Variants in DBP observed in about 807,000 individuals in gnomAD.
DBP encodes D site-binding protein.
DBP carries 12 observed loss-of-function variants against 21.4 expected under a neutral mutation model. The ratio of observed to expected loss-of-function variants is 0.56; its 90% CI spans 0.36 to 0.91. DBP has a LOEUF of 0.91. Among genes scored for constraint, DBP ranks in the 40% least tolerant of loss-of-function variants. The pLI, the probability that DBP is intolerant of heterozygous loss-of-function variation, is 0.01. For synonymous variants in DBP, 213 were observed against 224.9 expected, an observed-to-expected ratio of 0.95 and a Z score of 0.47; for missense variants, 423 against 473.4, an observed-to-expected ratio of 0.89 and a Z score of 0.99.
rs964628458 is a variant in DBP at position 48,630,163 on chromosome 19, T to C, written c.*674A>G. 2.4e-6 allele frequency: 3 copies of C among 1,239,238 alleles called. No homozygotes were observed. The highest frequency in any genetic ancestry group is 3.1e-5 in the African/African-American group (2 of 64,448). The allele number at this position is 1,239,238 out of a possible 1,614,324, so 76.8% of individuals were successfully genotyped here. On this transcript the variant is annotated 3_prime_UTR_variant, in exon 4 of 4. Coordinates refer to ENST00000222122, the MANE Select transcript of DBP (RefSeq NM_001352.5). The surrounding 1 kb of genome is among the most constrained non-coding windows in gnomAD (Gnocchi z 4.9). ...ACTGGCTGGGGTAGGCCTCAGTGAG[T>C]CGGCCGGTCAGGGCCCGCAGCCTCG... is the stretch of plus-strand genomic sequence containing the variant.
intron 2 of DBP, 141 bp downstream of exon 2, chr19:48,635,439 C>T: frequency 6.8e-7 from 1 of 1,477,800 alleles, no homozygotes; most frequent in Admixed American, 2.0e-5. Flanking sequence ...CTGGCCCCCT[C>T]CCACGACACC....
At chr19:48,635,366 G>A in intron 2 of DBP, 1 of 1,369,520 alleles carries the variant, frequency 7.3e-7, no homozygotes, top group Non-Finnish European at 9.5e-7. Context: ...CTGGAATTTA[G>A]GGTTCCAAGT....
In DBP at chr19:48,630,446, C is replaced by T; in HGVS notation, c.*391G>A. 5 of 1,451,476 alleles carry T rather than the reference C, an allele frequency of 3.4e-6. No individual in the cohort carries two copies. Among genetic ancestry groups the T allele is most frequent in the Non-Finnish European group, 4.5e-6 (5 of 1,106,556 alleles). The allele number at this position is 1,451,476 out of a possible 1,614,324, so 89.9% of individuals were successfully genotyped here. A position where few individuals can be genotyped will look rare whatever the true frequency, so the allele number is the denominator to read the frequency against. On this transcript the variant is annotated 3_prime_UTR_variant, in exon 4 of 4. Coordinates refer to ENST00000222122, the MANE Select transcript of DBP (RefSeq NM_001352.5). The surrounding 1 kb of genome is among the most constrained non-coding windows in gnomAD (Gnocchi z 4.9). ...CTCCATCCGACAGCCCGCGGGAGGA[C>T]TCAGACTCCAGCACTTCCAGCAGCG...
intron 3 of DBP, 141 bp from the exon 4 acceptor site, chr19:48,631,193 C>CTTT (rs2030571518): frequency 1.4e-6 from 1 of 701,256 alleles, no homozygotes; most frequent in Non-Finnish European, 2.3e-6. Context: ...TTTCTAGGGC[C>CTTT]CTGGTTGCTA....
rs768832685 is a variant in DBP, at chr19:48,635,993, G to A, written c.140-3C>T. On this transcript the variant is annotated splice_region_variant and splice_polypyrimidine_tract_variant and intron_variant, in intron 1 of 3. Coordinates refer to ENST00000222122, the MANE Select transcript of DBP (RefSeq NM_001352.5). ...GCGCTCCTTTTCCTTCAGGAGACCTGCGGGCCGGGAAAGACGGGTTGGGAT... is the reference window on the plus strand; with the variant it reads ...GCGCTCCTTTTCCTTCAGGAGACCTACGGGCCGGGAAAGACGGGTTGGGAT... 66 of 1,511,242 alleles carry A rather than the reference G, an allele frequency of 4.4e-5. No homozygotes were observed. The highest frequency in any genetic ancestry group is 1.9e-5 in the Non-Finnish European group (22 of 1,135,794). 93.6% of individuals were successfully genotyped at this position (1,511,242 alleles called of 1,614,324 possible).
In DBP at chr19:48,635,841, G is replaced by A. The variant is rs1310149443; in HGVS notation, c.289C>T (p.Pro97Ser). 1.4e-6 allele frequency: 2 copies of A among 1,407,830 alleles called. No homozygotes were observed. Among genetic ancestry groups the A allele is most frequent in the Admixed American group, 3.6e-5 (1 of 27,930 alleles). The allele number at this position is 1,407,830 out of a possible 1,614,324, so 87.2% of individuals were successfully genotyped here. ...CACAGCAGTGGCGCCAACAGACCCG[G>A]GGCGGGCACCGGCCCCGGGCGCCCC... ...PRGRPGPVPA[P>S]GLLAPLLWER... is the part of the protein sequence containing the mutation. Residue 97 changes from proline (P) to serine (S), a missense_variant, in exon 2 of 4, where the codon CCG becomes TCG. Pro to Ser is a moderately conservative substitution (Grantham distance 74). Transcript: ENST00000222122.
rs1381171331 is a variant in DBP, at chr19:48,636,876, T to C, written c.119A>G (p.Lys40Arg). 9 of 1,609,960 alleles carry C rather than the reference T, an allele frequency of 5.6e-6. No homozygotes were observed. The highest frequency in any genetic ancestry group is 6.8e-6 in the Non-Finnish European group (8 of 1,178,530). Residue 40 changes from lysine (K) to arginine (R), a missense_variant, in exon 1 of 4, where the codon AAG (lysine) becomes AGG (arginine). Physicochemically the swap from Lys to Arg is conservative, Grantham distance 26. Around this residue, in one of 4 missense-constraint regions of DBP, gnomAD observed 283 missense variants for 273.7 expected, o/e 1.03. Transcript: ENST00000222122. ...CTCACAGCTGGCCGGCTCTTTGGGC[T>C]TGCTGGTCCCCTGCAGAAGGCTCCG... is the stretch of plus-strand genomic sequence containing the variant. ...GLRSLLQGTS[K>R]PKEPASCLLK... is the part of the protein sequence containing the mutation.
Position 48,635,653 on chromosome 19 carries a change from C to T in DBP, c.477G>A (p.Ser159=). The change falls in exon 2 of 4, where the codon TCG becomes TCA. Residue 159 remains serine (S), a synonymous_variant. Coordinates refer to ENST00000222122, the MANE Select transcript of DBP (RefSeq NM_001352.5). ...APSPGPGSCG[S]ASPRSSPGHA... ...GCCCAGGAGAGGAGCGGGGGGAAGCCGAGCCGCACGAACCCGGCCCTGGGG... is the reference window on the plus strand; with the variant it reads ...GCCCAGGAGAGGAGCGGGGGGAAGCTGAGCCGCACGAACCCGGCCCTGGGG... 7.6e-7 allele frequency: 1 copy of T among 1,314,534 alleles called. No homozygotes were observed. The highest frequency in any genetic ancestry group is 9.6e-7 in the Non-Finnish European group (1 of 1,038,864). The allele number at this position is 1,314,534 out of a possible 1,614,324, so 81.4% of individuals were successfully genotyped here. A position where few individuals can be genotyped will look rare whatever the true frequency, so the allele number is the denominator to read the frequency against.
intron 2 of DBP, chr19:48,634,736 T>C: frequency 1.0e-5 from 10 of 985,572 alleles, no homozygotes; most frequent in Non-Finnish European, 1.2e-5. Context: ...GGTAGGGCCC[T>C]GGTTCGGCCC....
intron 3 of DBP, chr19:48,632,550 C>A: frequency 6.6e-6 from 1 of 152,280 alleles, no homozygotes; most frequent in Non-Finnish European, 1.5e-5. Flanking sequence ...CAGGCGTGAG[C>A]CAACGCGCCT....
Position 48,630,771 on chromosome 19 carries a change from A to G in DBP, c.*66T>C. 6.6e-7 allele frequency: 1 copy of G among 1,504,312 alleles called. No homozygotes were observed. The highest frequency in any genetic ancestry group is 9.0e-7 in the Non-Finnish European group (1 of 1,115,994). The allele number at this position is 1,504,312 out of a possible 1,614,324, so 93.2% of individuals were successfully genotyped here. On this transcript the variant is annotated 3_prime_UTR_variant, in exon 4 of 4. Coordinates refer to ENST00000222122, the MANE Select transcript of DBP (RefSeq NM_001352.5). The surrounding 1 kb of genome is among the most constrained non-coding windows in gnomAD (Gnocchi z 4.9). ...CCGGCCCGTGGGCCACAGGGCAGGA[A>G]GGGAACAGGGCGTAAGTCTCAGCAA... is the stretch of plus-strand genomic sequence containing the variant.
chr19:48,637,041 G>A lies in DBP; in HGVS notation c.-47C>T, dbSNP rs990273421. ...CTCACGGGTTCATGGAGAGGCGAAG[G>A]GCTGGCCTGCCAGTCACCAGCACAC... On this transcript the variant is annotated 5_prime_UTR_variant, in exon 1 of 4. Transcript: ENST00000222122. 42 of 1,439,504 alleles carry A rather than the reference G, an allele frequency of 2.9e-5. No individual in the cohort carries two copies. The highest frequency in any genetic ancestry group is 3.7e-5 in the Non-Finnish European group (41 of 1,099,736). 89.2% of individuals were successfully genotyped at this position (1,439,504 alleles called of 1,614,324 possible).
At position 48,630,901 on chromosome 19, in the gene DBP, C is replaced by A. The variant is rs772418699; in HGVS notation, c.914G>T (p.Arg305Leu). 1.5e-5 allele frequency: 24 copies of A among 1,609,024 alleles called. No homozygotes were observed. The South Asian group carries it at 2.7e-4, about 18-fold the overall frequency. Residue 305 changes from arginine to leucine, a missense_variant, in exon 4 of 4, where the codon CGC becomes CTC. Arg to Leu is a moderately radical substitution (Grantham distance 102). This residue lies in a region of DBP where 33 missense variants were observed against 31.7 expected (regional missense o/e 1.04). Transcript: ENST00000222122. The surrounding 1 kb of genome is among the most constrained non-coding windows in gnomAD (Gnocchi z 4.9). Reference protein sequence around the residue: ...ALLRQEVVAVRQELSHYRAVL... With the variant: ...ALLRQEVVAVLQELSHYRAVL... ...GGCGCGGTAGTGGGACAGCTCCTGG[C>A]GCACGGCCACAACTTCCTGCCGCAG... is the stretch of plus-strand genomic sequence containing the variant.
Position 48,630,303 on chromosome 19 carries a change from G to T in DBP, c.*534C>A. 2.3e-6 allele frequency: 3 copies of T among 1,288,328 alleles called. No individual in the cohort carries two copies. Among genetic ancestry groups the T allele is most frequent in the Non-Finnish European group, 2.9e-6 (3 of 1,018,534 alleles). 79.8% of individuals were successfully genotyped at this position (1,288,328 alleles called of 1,614,324 possible). Reference sequence around the variant, plus strand: ...TTCCTCTCCCCGCGGGTGGGGGCGGGGAAATTCATATCCCCTGTTCGTCTC... The same window carrying T: ...TTCCTCTCCCCGCGGGTGGGGGCGGTGAAATTCATATCCCCTGTTCGTCTC... On this transcript the variant is annotated 3_prime_UTR_variant, in exon 4 of 4. Coordinates refer to ENST00000222122, the MANE Select transcript of DBP (RefSeq NM_001352.5). The surrounding 1 kb of genome is among the most constrained non-coding windows in gnomAD (Gnocchi z 4.9).
In DBP at chr19:48,630,885, G is replaced by A; in HGVS notation, c.930C>T (p.His310=). Residue 310 remains histidine (H), a synonymous_variant, in exon 4 of 4, where the codon CAC becomes CAT. Transcript: ENST00000222122. This position sits in a 1 kb window ranked among gnomAD's most constrained non-coding sequence, Gnocchi z 4.9. ...EVVAVRQELS[H]YRAVLSRYQA... is the part of the protein sequence containing the mutation. ...GGTATCGGGACAGCACGGCGCGGTA[G>A]TGGGACAGCTCCTGGCGCACGGCCA... 1 of 1,608,576 alleles carries A rather than the reference G, an allele frequency of 6.2e-7. No homozygotes were observed. The highest frequency in any genetic ancestry group is 8.5e-7 in the Non-Finnish European group (1 of 1,178,048).
At position 48,633,781 on chromosome 19, in the gene DBP, G is replaced by A. The variant is rs184500652; in HGVS notation, c.551-126C>T. On this transcript the variant is annotated intron_variant, in intron 2 of 3. Transcript: ENST00000222122. The stretch of plus-strand genomic sequence containing the variant: ...TGGGATCTAGCATAAATTCGGCCAG[G>A]GATTAATCTCCCTAATATAAAATAT... 119 of 782,890 alleles carry A rather than the reference G, an allele frequency of 1.5e-4. No homozygotes were observed. In the Admixed American group the frequency reaches 2.7e-3, roughly 18 times the overall value. 48.5% of individuals were successfully genotyped at this position (782,890 alleles called of 1,614,324 possible).
At chr19:48,633,286 G>A in intron 3 of DBP, 158 bp downstream of exon 3, 6 of 769,096 alleles carry the variant, frequency 7.8e-6, no homozygotes. Flanking sequence ...GCCCCCTTGT[G>A]CCCCGTGGCC....
rs778734663 is a variant in DBP, at chr19:48,636,944, G to A, written c.51C>T (p.Gly17=). ...CCCCGCCAGGGGGTGTCCCGGCCGG[G>A]CCGCCCAGCAGCAGAGGGGCCGGGG... ...DRTPAPLLLG[G]PAGTPPGGGA... The change falls in exon 1 of 4, where the codon GGC becomes GGT. Residue 17 remains glycine (G), a synonymous_variant. Transcript: ENST00000222122. 2.6e-6 allele frequency: 4 copies of A among 1,567,984 alleles called. No individual in the cohort carries two copies. Among genetic ancestry groups the A allele is most frequent in the Non-Finnish European group, 3.5e-6 (4 of 1,158,170 alleles).
chr19:48,633,071 G>A, intron 3 of DBP: 1 of 456,650 alleles, frequency 2.2e-6, no homozygotes, highest in Non-Finnish European at 4.0e-6. Context: ...TTGGCTCACT[G>A]CAGCCTCAAT....
Sources: gnomAD v4.1 joint callset for allele counts on GRCh38, gnomAD v4.1.1 for gene constraint, gnomAD v4.1.1 regional missense constraint, Gnocchi (gnomAD v3.1) non-coding constraint, MANE v1.5 for transcripts, NCBI Gene and HGNC (gene_info 2026-07-23, HGNC 2026-07-21) for gene names.